TENM4: variants seen among roughly 807,000 people sequenced by gnomAD.
TENM4 encodes teneurin-4.
Under a neutral mutation model 243.3 loss-of-function variants are expected in TENM4, and 82 were observed. That is an observed-to-expected ratio of 0.34 (90% confidence interval 0.28 to 0.40). The LOEUF is 0.40. Ranked by LOEUF, TENM4 falls within the 10% of genes least tolerant of loss-of-function variation. The pLI, the probability that TENM4 is intolerant of heterozygous loss-of-function variation, is 1.00. For synonymous variants in TENM4, 1,412 were observed against 1,456.3 expected (o/e 0.97, Z 0.69); for missense variants, 3,138 against 3,673.3 (o/e 0.85, Z 3.77).
intron 1 of TENM4, among the ~76,000 whole-genome samples, chr11:79,409,665 T>TCA (rs1858657161): frequency 1.3e-5 from 2 of 152,162 alleles, no homozygotes; most frequent in Non-Finnish European, 2.9e-5. Flanking sequence ...TAGCAGACAC[T>TCA]ACGGATGCCC....
In TENM4 at chr11:78,712,696, T is replaced by C. The variant is rs762494837; in HGVS notation, c.3840A>G (p.Lys1280=). The part of the protein sequence containing the change: ...DFRHSHSPAH[K]YYLATDPMSG... ...TCATGGGGTCTGTGGCCAGGTAGTA[T>C]TTGTGTGCTGGACTGTGACTAGAAA... Residue 1280 remains lysine (K), a synonymous_variant, in exon 26 of 34, where the codon AAA becomes AAG. Coordinates refer to ENST00000278550, the MANE Select transcript of TENM4 (RefSeq NM_001098816.3). The C allele has an allele frequency of 3.1e-6, 5 of 1,613,980 alleles. No homozygotes were observed. The Admixed American group carries it at 8.3e-5, about 27-fold the overall frequency.
At chr11:78,853,898 C>T (rs1041530671) in intron 12 of TENM4, among the ~76,000 whole-genome samples, 15 of 152,190 alleles carry the variant, frequency 9.9e-5, no homozygotes, top group South Asian at 8.3e-4. Flanking sequence ...AGAGAAGCAG[C>T]GGGCAACAGC....
intron 19 of TENM4, among the ~76,000 whole-genome samples, chr11:78,746,599 C>T (rs988896612): frequency 9.2e-5 from 14 of 152,240 alleles, no homozygotes; most frequent in Admixed American, 4.6e-4. Flanking sequence ...CCATACTATG[C>T]TTCCAGGGAA....
intron 3 of TENM4, among the ~76,000 whole-genome samples, chr11:79,193,505 G>A (rs376148971): frequency 9.9e-4 from 151 of 152,260 alleles, no homozygotes; most frequent in African/African-American, 2.9e-3. Flanking sequence ...TGGCCCGGCC[G>A]GTCATACTCT....
intron 1 of TENM4, among the ~76,000 whole-genome samples, chr11:79,343,804 T>A (rs1360464850): frequency 6.6e-6 from 1 of 152,242 alleles, no homozygotes; most frequent in East Asian, 1.9e-4. Context: ...GTCAGCCATC[T>A]GGGGTCCTTT....
intron 17 of TENM4, among the ~76,000 whole-genome samples, chr11:78,778,103 G>C (rs914125050): frequency 1.3e-5 from 2 of 152,212 alleles, no homozygotes; most frequent in Non-Finnish European, 2.9e-5. Context: ...TGGCGCAGGT[G>C]CCTAGTACAC....
intron 29 of TENM4, among the ~76,000 whole-genome samples, chr11:78,686,343 T>C (rs1468286340): frequency 6.6e-6 from 1 of 152,230 alleles, no homozygotes; most frequent in Admixed American, 6.5e-5. Flanking sequence ...CTATATCTTG[T>C]CATATACATC....
At chr11:79,036,863 T>C (rs1859394444) in intron 6 of TENM4, among the ~76,000 whole-genome samples, 1 of 151,764 alleles carries the variant, frequency 6.6e-6, no homozygotes, top group African/African-American at 2.4e-5. Flanking sequence ...TACAAAAAAT[T>C]AGCTGGGCAT....
chr11:79,117,849 A>G (rs906342907), intron 4 of TENM4, among the ~76,000 whole-genome samples: 1 of 152,222 alleles, frequency 6.6e-6, no homozygotes, highest in African/African-American at 2.4e-5. Context: ...GGTTGAATGG[A>G]ATAACTCCTA....
chr11:79,200,397 C>T (rs1183760860), intron 3 of TENM4, among the ~76,000 whole-genome samples: 2 of 152,226 alleles, frequency 1.3e-5, no homozygotes, highest in Non-Finnish European at 2.9e-5. Flanking sequence ...CACCTTACTC[C>T]GCATTGAATC....
At chr11:78,838,864 A>G (rs1350192630) in intron 12 of TENM4, among the ~76,000 whole-genome samples, 2 of 152,226 alleles carry the variant, frequency 1.3e-5, no homozygotes, top group Non-Finnish European at 2.9e-5. Context: ...TCTGTGTCTT[A>G]TCAACTGCAT....
chr11:79,190,801 C>G, intron 3 of TENM4, among the ~76,000 whole-genome samples: 1 of 136,060 alleles, frequency 7.3e-6, no homozygotes, highest in South Asian at 2.7e-4. Flanking sequence ...CTCTCCCTCT[C>G]CCTCTCCCGT....
At chr11:78,984,858 C>T (rs1269421876) in intron 6 of TENM4, among the ~76,000 whole-genome samples, 1 of 152,030 alleles carries the variant, frequency 6.6e-6, no homozygotes, top group Non-Finnish European at 1.5e-5. Flanking sequence ...TCAGGCATAA[C>T]AGCAACATTT....
chr11:78,918,370 C>T (rs1192687052), intron 6 of TENM4, among the ~76,000 whole-genome samples: 4 of 151,820 alleles, frequency 2.6e-5, no homozygotes, highest in African/African-American at 9.7e-5. Context: ...GTGGGTGCCA[C>T]CTGGGCTTAT....
chr11:79,261,406 C>A (rs1407294400), intron 2 of TENM4, among the ~76,000 whole-genome samples: 1 of 152,190 alleles, frequency 6.6e-6, no homozygotes, highest in African/African-American at 2.4e-5. Context: ...CCATGCTAGG[C>A]CTGTTCCTGT....
At chr11:79,015,477 A>AGTGTGTGTGTGT (rs113872101) in intron 6 of TENM4, among the ~76,000 whole-genome samples, 3,989 of 147,182 alleles carry the variant, frequency 0.027, 91 homozygotes, top group African/African-American at 0.052. Context: ...AAAGTCATTT[A>AGTGTGTGTGTGT]GTGTGTGTGT....
chr11:79,349,035 G>A (rs1857373672), intron 1 of TENM4, among the ~76,000 whole-genome samples: 1 of 152,176 alleles, frequency 6.6e-6, no homozygotes, highest in African/African-American at 2.4e-5. Context: ...TGGAGGAAAG[G>A]AGGCTCAAAG....
At chr11:78,677,654 C>A (rs201262166) in intron 29 of TENM4, among the ~76,000 whole-genome samples, 5 of 149,570 alleles carry the variant, frequency 3.3e-5, no homozygotes, top group Admixed American at 6.6e-5. Context: ...GACAGAATGA[C>A]AAAAAAAAAT....
intron 9 of TENM4, among the ~76,000 whole-genome samples, chr11:78,872,647 T>A (rs144955783): frequency 6.6e-6 from 1 of 152,318 alleles, no homozygotes; most frequent in East Asian, 1.9e-4. Flanking sequence ...CTCACCTGTG[T>A]TAACGATCAA....
Sources: allele counts gnomAD v4.1 joint callset (sites outside exome capture counted in the v4.1 genomes callset), GRCh38; gene constraint gnomAD v4.1.1; transcripts MANE v1.5; gene names NCBI Gene and HGNC (gene_info 2026-07-23, HGNC 2026-07-21).